CAMK4: variants seen among roughly 807,000 people sequenced by gnomAD.
The protein encoded by CAMK4 is calcium/calmodulin-dependent protein kinase type IV.
Under a neutral mutation model 44.9 loss-of-function variants are expected in CAMK4, and 22 were observed. That is an observed-to-expected ratio of 0.49 (90% CI 0.35 to 0.70). The LOEUF is 0.70. CAMK4 is among the 30% of genes least tolerant of loss of function. CAMK4 has a pLI of 0.01. For synonymous variants in CAMK4, 218 were observed against 215.4 expected, an observed-to-expected ratio of 1.01 and a Z score of -0.11; for missense variants, 498 against 586.8, an observed-to-expected ratio of 0.85 and a Z score of 1.56.
intron 5 of CAMK4, among the ~76,000 whole-genome samples, chr5:111,412,665 T>C (rs143520): frequency 0.32 from 48,515 of 151,916 alleles, 8,043 homozygotes; most frequent in African/African-American, 0.38. Flanking sequence ...AGGTAGAAGG[T>C]GGGACTCAAC....
chr5:111,295,546 C>G (rs761273493), intron 1 of CAMK4, among the ~76,000 whole-genome samples: 5 of 152,148 alleles, frequency 3.3e-5, no homozygotes, highest in Non-Finnish European at 5.9e-5. Context: ...GAGCTCAACC[C>G]AGATCTGTGT....
In CAMK4 at chr5:111,376,934, G is replaced by C; in HGVS notation, c.378G>C (p.Leu126=). Residue 126 remains leucine, a synonymous_variant, in exon 4 of 11, where the codon CTG becomes CTC. Transcript: ENST00000282356. The stretch of plus-strand genomic sequence containing the variant: ...TAGAACTCGTCACAGGAGGAGAACT[G>C]TTTGATAGGTGAGTTGGTTCTGGAA... ...LVLELVTGGE[L]FDRIVEKGYY... is the part of the protein sequence containing the mutation. The C allele has an allele frequency of 6.3e-7, 1 of 1,593,048 alleles. No individual in the cohort carries two copies. Among genetic ancestry groups the C allele is most frequent in the Non-Finnish European group, 8.6e-7 (1 of 1,166,884 alleles).
chr5:111,441,598 A>ATCTTCTCCCCAGT (rs1753824981), intron 5 of CAMK4, among the ~76,000 whole-genome samples: 1 of 152,074 alleles, frequency 6.6e-6, no homozygotes, highest in Non-Finnish European at 1.5e-5. Context: ...GATTTTAAAA[A>ATCTTCTCCCCAGT]TCTTCTCCCC....
intron 5 of CAMK4, among the ~76,000 whole-genome samples, chr5:111,405,668 C>G (rs1242140517): frequency 6.6e-6 from 1 of 152,086 alleles, no homozygotes; most frequent in African/African-American, 2.4e-5. Flanking sequence ...GACAGGGAGA[C>G]TGGCCTGGAG....
chr5:111,422,379 A>C (rs1330801376), intron 5 of CAMK4, among the ~76,000 whole-genome samples: 1 of 152,204 alleles, frequency 6.6e-6, no homozygotes, highest in African/African-American at 2.4e-5. Flanking sequence ...TTATTTATAC[A>C]ATTATGAACA....
intron 5 of CAMK4, among the ~76,000 whole-genome samples, chr5:111,431,895 C>G (rs1753457108): frequency 6.6e-6 from 1 of 152,058 alleles, no homozygotes; most frequent in Non-Finnish European, 1.5e-5. Flanking sequence ...AAAGGGAACC[C>G]TTGTACAACG....
intron 2 of CAMK4, among the ~76,000 whole-genome samples, chr5:111,364,589 G>T (rs1750719103): frequency 6.6e-6 from 1 of 152,130 alleles, no homozygotes; most frequent in Non-Finnish European, 1.5e-5. Context: ...GAATCTACGT[G>T]TCTTACAAAG....
rs531338036 is a variant in CAMK4 at position 111,391,431 on chromosome 5, C to T, written c.387-3279C>T. 8.6e-5 allele frequency among the ~76,000 whole-genome samples: 13 copies of T among 151,832 alleles called. No individual in the cohort carries two copies. The South Asian group carries it at 2.3e-3, about 27-fold the overall frequency. On this transcript the variant is annotated intron_variant, in intron 4 of 10. Transcript: ENST00000282356. ...GTTCCAATAGAGAATGATTATGGGA[C>T]GTGGATGGAGCTGGAGGTCAATAGA...
intron 6 of CAMK4, among the ~76,000 whole-genome samples, chr5:111,447,432 T>G (rs59043173): frequency 0.32 from 48,167 of 152,086 alleles, 8,169 homozygotes; most frequent in Non-Finnish European, 0.38. Context: ...CATATAAATT[T>G]ACATATTATA....
chr5:111,403,427 T>G (rs1752303045), intron 5 of CAMK4, among the ~76,000 whole-genome samples: 1 of 152,200 alleles, frequency 6.6e-6, no homozygotes, highest in South Asian at 2.1e-4. Context: ...GAGACTTTTG[T>G]TTCTTGCTGC....
In CAMK4 at chr5:111,258,592, G is replaced by T. The variant is rs373645109; in HGVS notation, c.161+33948G>T. ...GATTCACTATCATGAGAATAGCACA[G>T]GAAAGACCAGCCCCCATGATTCAGT... On this transcript the variant is annotated intron_variant, in intron 1 of 10. Transcript: ENST00000282356. 3.4e-4 allele frequency among the ~76,000 whole-genome samples: 52 copies of T among 152,188 alleles called. No individual in the cohort carries two copies. The East Asian group carries it at 7.5e-3, about 22-fold the overall frequency.
Position 111,224,453 on chromosome 5 carries a change from C to T in CAMK4, c.-31C>T. ...CTCGCTCGGGCAGCGGCGGCGGCGG[C>T]GGCGGCGGCTTCCGGAGTCCCGCTG... On this transcript the variant is annotated 5_prime_UTR_variant, in exon 1 of 11. Transcript: ENST00000282356. This position sits in a 1 kb window ranked among gnomAD's most constrained non-coding sequence, Gnocchi z 5.7. 5 of 1,557,546 alleles carry T rather than the reference C, an allele frequency of 3.2e-6. No homozygotes were observed. Among genetic ancestry groups the T allele is most frequent in the Non-Finnish European group, 2.6e-6 (3 of 1,156,294 alleles).
In CAMK4 at chr5:111,490,118, GATTA is replaced by G. The variant is rs957678929; in HGVS notation, c.*5655_*5658del. ...CAAAATAACATTTAATTTTCACTCT[GATTA>G]ATCTTTATTTTCCATTTAAAAGATT... is the stretch of plus-strand genomic sequence containing the variant. On this transcript the variant is annotated 3_prime_UTR_variant, in exon 11 of 11. Coordinates refer to ENST00000282356, the MANE Select transcript of CAMK4 (RefSeq NM_001744.6). 123 of 152,196 alleles carry G rather than the reference GATTA, an allele frequency of 8.1e-4. 1 individual carries two copies. Among genetic ancestry groups the G allele is most frequent in the African/African-American group, 2.8e-3 (117 of 41,530 alleles). 9.4% of individuals were successfully genotyped at this position (152,196 alleles called of 1,614,324 possible).
At chr5:111,241,774 A>G (rs1749003442) in intron 1 of CAMK4, among the ~76,000 whole-genome samples, 2 of 152,234 alleles carry the variant, frequency 1.3e-5, no homozygotes, top group African/African-American at 2.4e-5. Flanking sequence ...CCAGTAAATC[A>G]TGCAATTGGG....
At chr5:111,471,531 T>A (rs1314841393) in intron 7 of CAMK4, among the ~76,000 whole-genome samples, 1 of 152,240 alleles carries the variant, frequency 6.6e-6, no homozygotes, top group Non-Finnish European at 1.5e-5. Flanking sequence ...ATTTGATGTT[T>A]GTTCTTGCTT....
chr5:111,423,639 A>G (rs1374096720), intron 5 of CAMK4, among the ~76,000 whole-genome samples: 1 of 152,214 alleles, frequency 6.6e-6, no homozygotes, highest in African/African-American at 2.4e-5. Context: ...ATACCATCTT[A>G]TTTTAAGTTG....
At chr5:111,331,175 A>T (rs1749153215) in intron 1 of CAMK4, among the ~76,000 whole-genome samples, 1 of 151,646 alleles carries the variant, frequency 6.6e-6, no homozygotes, top group Non-Finnish European at 1.5e-5. Context: ...AACAAAGCAA[A>T]CTATTGACTG....
intron 7 of CAMK4, among the ~76,000 whole-genome samples, chr5:111,473,081 A>G (rs1755118143): frequency 6.8e-6 from 1 of 146,968 alleles, no homozygotes; most frequent in Admixed American, 6.9e-5. Context: ...GACATAGAAT[A>G]TTAAAGTTAA....
upstream of CAMK4, chr5:111,224,287 C>T (rs1435318751): frequency 2.1e-5 from 14 of 681,744 alleles, no homozygotes; most frequent in South Asian, 3.8e-5. This position sits in a 1 kb window ranked among gnomAD's most constrained non-coding sequence, Gnocchi z 5.7. Context: ...GGTTCCCCCT[C>T]GCGCCCTCTC....
Sources: gnomAD v4.1 joint callset for allele counts (sites outside exome capture counted in the v4.1 genomes callset) on GRCh38, gnomAD v4.1.1 for gene constraint, Gnocchi (gnomAD v3.1) non-coding constraint, MANE v1.5 for transcripts, NCBI Gene and HGNC (gene_info 2026-07-23, HGNC 2026-07-21) for gene names.